Variants in RSRC1 observed in about 807,000 individuals in gnomAD.
The protein encoded by RSRC1 is serine/Arginine-related protein 53.
Under a neutral mutation model 49.1 loss-of-function variants are expected in RSRC1, and 39 were observed. That is an observed-to-expected ratio of 0.79 (90% CI 0.61 to 1.04). The LOEUF (loss-of-function observed/expected upper bound fraction) is 1.04, where lower values mean the gene tolerates loss of function less well. RSRC1 is among the 50% of genes least tolerant of loss of function. The pLI is 0.00. For synonymous variants in RSRC1, 143 were observed against 130.8 expected, an observed-to-expected ratio of 1.09 and a Z score of -0.63; for missense variants, 388 against 402.4, an observed-to-expected ratio of 0.96 and a Z score of 0.31.
intron 6 of RSRC1, among the ~76,000 whole-genome samples, chr3:158,449,875 A>G (rs1400409150): frequency 6.6e-6 from 1 of 151,940 alleles, no homozygotes; most frequent in Non-Finnish European, 1.5e-5. Context: ...CCCTTGGATT[A>G]TATGGAAACA....
At chr3:158,396,517 A>G (rs1368462782) in intron 6 of RSRC1, among the ~76,000 whole-genome samples, 2 of 152,068 alleles carry the variant, frequency 1.3e-5, no homozygotes, top group African/African-American at 4.8e-5. Flanking sequence ...ATCTGAATAA[A>G]TGGACCCAGA....
chr3:158,458,633 A>G (rs1390729463), intron 6 of RSRC1, among the ~76,000 whole-genome samples: 1 of 152,132 alleles, frequency 6.6e-6, no homozygotes, highest in African/African-American at 2.4e-5. Flanking sequence ...GATTAGTAAA[A>G]GATGTAATTA....
At chr3:158,416,855 A>G (rs554313855) in intron 6 of RSRC1, among the ~76,000 whole-genome samples, 123 of 152,206 alleles carry the variant, frequency 8.1e-4, no homozygotes, top group African/African-American at 2.8e-3. Context: ...ACTTACCTTT[A>G]AAGCCAATTA....
intron 3 of RSRC1, chr3:158,136,619 G>A (rs1610268): frequency 0.71 from 107,831 of 151,476 alleles, 39,068 homozygotes; most frequent in African/African-American, 0.84. Flanking sequence ...TTAGGTGAGG[G>A]AGCTAAGACT....
chr3:158,505,592 G>T (rs1165855168), intron 7 of RSRC1, among the ~76,000 whole-genome samples: 2 of 152,018 alleles, frequency 1.3e-5, no homozygotes, highest in African/African-American at 4.8e-5. Context: ...GCTGAATTTT[G>T]CAGAAGTAAA....
chr3:158,348,666 C>T (rs1222073447), intron 5 of RSRC1, among the ~76,000 whole-genome samples: 1 of 151,648 alleles, frequency 6.6e-6, no homozygotes, highest in Non-Finnish European at 1.5e-5. Flanking sequence ...GATCGGGCTT[C>T]TAGTGTGTCA....
chr3:158,276,229 G>A (rs531021768), intron 4 of RSRC1: 4 of 775,746 alleles, frequency 5.2e-6, no homozygotes, highest in East Asian at 2.4e-5. Context: ...TGGCGAATAC[G>A]AATCCTATAT....
intron 3 of RSRC1, among the ~76,000 whole-genome samples, chr3:158,172,300 ATT>A (rs1180569708): frequency 6.6e-6 from 1 of 152,200 alleles, no homozygotes; most frequent in Non-Finnish European, 1.5e-5. Flanking sequence ...AAGGAGAATT[ATT>A]TTAACTGTTC....
At chr3:158,456,366 C>T (rs1303929448) in intron 6 of RSRC1, among the ~76,000 whole-genome samples, 9 of 150,812 alleles carry the variant, frequency 6.0e-5, no homozygotes, top group Non-Finnish European at 1.0e-4. Flanking sequence ...CACTTAGGCT[C>T]ACATTCCATT....
chr3:158,468,790 C>T (rs1460464488), intron 7 of RSRC1, among the ~76,000 whole-genome samples: 1 of 151,890 alleles, frequency 6.6e-6, no homozygotes, highest in Non-Finnish European at 1.5e-5. Flanking sequence ...TCTTTCTTAG[C>T]ATAAAAAAAT....
chr3:158,159,742 T>C (rs1718102566), intron 3 of RSRC1, among the ~76,000 whole-genome samples: 1 of 152,192 alleles, frequency 6.6e-6, no homozygotes, highest in South Asian at 2.1e-4. Context: ...TCTTTAACTT[T>C]TTTTGATGAG....
At chr3:158,470,000 ATATT>A (rs1738054004) in intron 7 of RSRC1, among the ~76,000 whole-genome samples, 2 of 152,060 alleles carry the variant, frequency 1.3e-5, no homozygotes, top group Non-Finnish European at 2.9e-5. Context: ...GAGCGTGTGA[ATATT>A]TATCACATTA....
At chr3:158,421,235 G>C (rs1735031732) in intron 6 of RSRC1, among the ~76,000 whole-genome samples, 1 of 151,880 alleles carries the variant, frequency 6.6e-6, no homozygotes, top group East Asian at 1.9e-4. Flanking sequence ...TCTGGATGGA[G>C]CTGTTAAGAA....
In RSRC1 at chr3:158,217,429, T is replaced by C. The variant is rs906546291; in HGVS notation, c.494+14184T>C. On this transcript the variant is annotated intron_variant, in intron 4 of 9. Coordinates refer to ENST00000611884, the MANE Select transcript of RSRC1 (RefSeq NM_001271838.2). ...GAGTAAACGGTCTCTCAAGTCCTTTTTTGTGGTAGAAAATTTGCTCACCAG... is the reference window on the plus strand; with the variant it reads ...GAGTAAACGGTCTCTCAAGTCCTTTCTTGTGGTAGAAAATTTGCTCACCAG... 5.9e-5 allele frequency among the ~76,000 whole-genome samples: 9 copies of C among 151,822 alleles called. No homozygotes were observed. The South Asian group carries it at 1.2e-3, about 21-fold the overall frequency.
intron 4 of RSRC1, among the ~76,000 whole-genome samples, chr3:158,285,269 C>G (rs1726452180): frequency 6.6e-6 from 1 of 152,198 alleles, no homozygotes; most frequent in Non-Finnish European, 1.5e-5. Flanking sequence ...GTTTTGGTAG[C>G]AGTACCATGC....
intron 6 of RSRC1, among the ~76,000 whole-genome samples, chr3:158,454,310 T>C (rs928772850): frequency 6.6e-6 from 1 of 152,110 alleles, no homozygotes; most frequent in Admixed American, 6.5e-5. Context: ...AAAATGGGGG[T>C]AATAATTGTA....
intron 4 of RSRC1, among the ~76,000 whole-genome samples, chr3:158,269,100 T>A (rs1173759371): frequency 6.6e-6 from 1 of 152,198 alleles, no homozygotes; most frequent in Non-Finnish European, 1.5e-5. Context: ...AGGTTGAGAA[T>A]CTTTTTATAG....
chr3:158,437,609 A>G (rs1736122993), intron 6 of RSRC1, among the ~76,000 whole-genome samples: 1 of 152,182 alleles, frequency 6.6e-6, no homozygotes, highest in South Asian at 2.1e-4. Context: ...ATAAAATTCA[A>G]CAGCTCTTCA....
intron 3 of RSRC1, among the ~76,000 whole-genome samples, chr3:158,160,024 G>A (rs1718122832): frequency 6.6e-6 from 1 of 152,068 alleles, no homozygotes; most frequent in South Asian, 2.1e-4. Context: ...AAAACAACTG[G>A]TGTTTAAATG....
Sources: gnomAD v4.1 joint callset for allele counts (sites outside exome capture counted in the v4.1 genomes callset) on GRCh38, gnomAD v4.1.1 for gene constraint, MANE v1.5 for transcripts, NCBI Gene and HGNC (gene_info 2026-07-23, HGNC 2026-07-21) for gene names.